The following RGS8 variants were observed in gnomAD, a reference collection of about 807,000 sequenced individuals.
RGS8 encodes regulator of G protein signaling 8.
Under a neutral mutation model 21.7 loss-of-function variants are expected in RGS8, and 8 were observed. The ratio of observed to expected loss-of-function variants is 0.37; its 90% CI spans 0.22 to 0.66. The LOEUF is 0.66. Ranked by LOEUF, RGS8 falls within the 30% of genes least tolerant of loss-of-function variation. The probability of loss-of-function intolerance (pLI) is 0.59; values close to 1 mark genes in which losing one functional copy is unlikely to be tolerated. For synonymous variants in RGS8, 80 were observed against 83.6 expected, an observed-to-expected ratio of 0.96 and a Z score of 0.24; for missense variants, 157 against 217.9, an observed-to-expected ratio of 0.72 and a Z score of 1.76.
intron 5 of RGS8, among the ~76,000 whole-genome samples, chr1:182,664,698 A>T (rs956511667): frequency 6.6e-6 from 1 of 152,196 alleles, no homozygotes; most frequent in African/African-American, 2.4e-5. Flanking sequence ...GGGTGTAGCC[A>T]TATGTTACAT....
chr1:182,724,059 C>G, the RGS8 span, among the ~76,000 whole-genome samples: 359 of 150,784 alleles, frequency 2.4e-3, 2 homozygotes, highest in African/African-American at 7.8e-3. Context: ...GTGAGGGTGT[C>G]GGCAAAGGAG....
At chr1:182,700,979 G>A in the RGS8 span, among the ~76,000 whole-genome samples, 1 of 152,172 alleles carries the variant, frequency 6.6e-6, no homozygotes, top group Non-Finnish European at 1.5e-5. Context: ...TAATGAATGA[G>A]TTACATATAT....
At chr1:182,693,547 T>C in the RGS8 span, among the ~76,000 whole-genome samples, 1 of 152,254 alleles carries the variant, frequency 6.6e-6, no homozygotes, top group Admixed American at 6.5e-5. Flanking sequence ...TCAGCCACTG[T>C]GGAAAGCCAT....
chr1:182,720,779 GATTATA>G, the RGS8 span, among the ~76,000 whole-genome samples: 820 of 151,462 alleles, frequency 5.4e-3, 5 homozygotes, highest in African/African-American at 0.019. Context: ...TTCAATTCTT[GATTATA>G]ATTATATGTG....
the RGS8 span, among the ~76,000 whole-genome samples, chr1:182,741,782 G>A: frequency 6.4e-3 from 690 of 107,170 alleles, 32 homozygotes; most frequent in Non-Finnish European, 0.011. Flanking sequence ...CCCGGACGGG[G>A]CGGCTGGCCG....
the RGS8 span, among the ~76,000 whole-genome samples, chr1:182,741,730 A>G: frequency 5.3e-3 from 296 of 56,280 alleles, 2 homozygotes; most frequent in Middle Eastern, 0.012. Context: ...CCTCCCGGAC[A>G]GGGCGGCTGG....
At chr1:182,690,718 A>T in the RGS8 span, among the ~76,000 whole-genome samples, 13 of 152,208 alleles carry the variant, frequency 8.5e-5, no homozygotes, top group Non-Finnish European at 1.8e-4. Flanking sequence ...TTACTAGGAT[A>T]TTATCAACAG....
chr1:182,732,272 T>C, the RGS8 span, among the ~76,000 whole-genome samples: 57,608 of 132,402 alleles, frequency 0.44, 11,411 homozygotes, highest in African/African-American at 0.53. Context: ...CTCTCTCTCA[T>C]ACACACACAC....
chr1:182,721,740 A>C, the RGS8 span, among the ~76,000 whole-genome samples: 12 of 152,332 alleles, frequency 7.9e-5, no homozygotes, highest in East Asian at 2.3e-3. Flanking sequence ...GCTTTACAAC[A>C]CAAAGATGAA....
chr1:182,703,961 A>C, the RGS8 span, among the ~76,000 whole-genome samples: 20 of 152,248 alleles, frequency 1.3e-4, no homozygotes, highest in African/African-American at 4.8e-4. Context: ...GGAAATATAA[A>C]GTTGAAATGA....
chr1:182,651,911 AG>A (rs371425875), intron 5 of RGS8, among the ~76,000 whole-genome samples: 1 of 152,154 alleles, frequency 6.6e-6, no homozygotes, highest in African/African-American at 2.4e-5. Context: ...TGGTTTAGCA[AG>A]GGGGGGACTC....
the RGS8 span, among the ~76,000 whole-genome samples, chr1:182,740,553 T>G: frequency 5.7e-4 from 78 of 135,654 alleles, no homozygotes; most frequent in African/African-American, 1.5e-3. Context: ...TGTTTGTTTT[T>G]TTTTTTTTTT....
At chr1:182,646,711 T>C in exon 7 of RGS8, 1 of 1,593,254 alleles carries the variant, frequency 6.3e-7, no homozygotes, top group East Asian at 2.2e-5. Context: ...AAGCCGGTGA[T>C]TTCCAGGAGT....
intron 5 of RGS8, among the ~76,000 whole-genome samples, 195 bp from the exon 7 acceptor site, chr1:182,648,498 C>T (rs1162821842): frequency 2.0e-5 from 3 of 152,088 alleles, no homozygotes; most frequent in Admixed American, 1.3e-4. Flanking sequence ...CTTTGGGAGG[C>T]CGAGGTGGGT....
At chr1:182,742,336 T>G in the RGS8 span, among the ~76,000 whole-genome samples, 2 of 148,306 alleles carry the variant, frequency 1.3e-5, no homozygotes, top group South Asian at 2.2e-4. Context: ...CCAGACGGGG[T>G]GGCGGCCGGG....
At chr1:182,643,323 G>GCCCCCCCCCCCCC (rs567593931), downstream of RGS8, 6 of 31,468 alleles carry the variant, frequency 1.9e-4, no homozygotes, top group Non-Finnish European at 2.6e-4. Context: ...CCCTCCCCCA[G>GCCCCCCCCCCCCC]CCCCCCCGCC....
chr1:182,681,895 G>A (rs1032211895), intron 1 of RGS8, among the ~76,000 whole-genome samples: 2 of 152,164 alleles, frequency 1.3e-5, no homozygotes, highest in Admixed American at 6.5e-5. Flanking sequence ...TTTTACTGCT[G>A]AATTCAAAAG....
At chr1:182,698,879 T>C in the RGS8 span, among the ~76,000 whole-genome samples, 1 of 152,208 alleles carries the variant, frequency 6.6e-6, no homozygotes. Context: ...CAAGGGGAAT[T>C]AGAACAATGT....
chr1:182,725,269 C>T, the RGS8 span, among the ~76,000 whole-genome samples: 4 of 152,130 alleles, frequency 2.6e-5, no homozygotes, highest in Non-Finnish European at 5.9e-5. Context: ...ACAATGCCCC[C>T]CAACCCTGAT....
Sources: allele counts gnomAD v4.1 joint callset (sites outside exome capture counted in the v4.1 genomes callset), GRCh38; gene constraint gnomAD v4.1.1; transcripts MANE v1.5; gene names NCBI Gene and HGNC (gene_info 2026-07-23, HGNC 2026-07-21).